STK3: variants seen among roughly 807,000 people sequenced by gnomAD.
STK3 encodes the protein serine/threonine-protein kinase 3.
Under a neutral mutation model 58.0 loss-of-function variants are expected in STK3, and 41 were observed. The ratio of observed to expected loss-of-function variants is 0.71; its 90% CI spans 0.55 to 0.92. STK3 has a LOEUF of 0.92. Ranked by LOEUF, STK3 falls within the 40% of genes least tolerant of loss-of-function variation. The pLI, the probability that STK3 is intolerant of heterozygous loss-of-function variation, is 0.00. For synonymous variants in STK3, 170 were observed against 191.0 expected (o/e 0.89, Z 0.91); for missense variants, 479 against 602.7 (o/e 0.79, Z 2.15).
At chr8:98,473,490 C>A (rs538248389) in intron 10 of STK3, among the ~76,000 whole-genome samples, 25 of 152,268 alleles carry the variant, frequency 1.6e-4, no homozygotes, top group Non-Finnish European at 2.8e-4. Flanking sequence ...AATTCCATCC[C>A]TCTTCTCCTT....
intron 1 of STK3, among the ~76,000 whole-genome samples, chr8:98,885,215 C>T (rs897286551): frequency 6.6e-6 from 1 of 152,078 alleles, no homozygotes; most frequent in Non-Finnish European, 1.5e-5. Flanking sequence ...GAACCAAGAC[C>T]AGGCCTGCCT....
At chr8:98,872,813 G>T (rs1343642108) in intron 3 of STK3, among the ~76,000 whole-genome samples, 1 of 152,038 alleles carries the variant, frequency 6.6e-6, no homozygotes, top group Non-Finnish European at 1.5e-5. Context: ...TTGATTTTTT[G>T]AAGGGATTTT....
chr8:98,737,590 A>G (rs1488313025), intron 4 of STK3, among the ~76,000 whole-genome samples: 1 of 152,272 alleles, frequency 6.6e-6, no homozygotes, highest in Non-Finnish European at 1.5e-5. Context: ...GAGATACAGC[A>G]TTCTTAGATA....
intron 1 of STK3, chr8:98,905,118 C>G: frequency 6.9e-7 from 1 of 1,439,342 alleles, no homozygotes. Context: ...GTCTGCCACA[C>G]GACCCGTACG....
intron 6 of STK3, among the ~76,000 whole-genome samples, chr8:98,631,036 CA>C (rs1391271578): frequency 6.6e-6 from 1 of 152,022 alleles, no homozygotes; most frequent in African/African-American, 2.4e-5. Context: ...ATTTACATTC[CA>C]CATTTAGATA....
intron 3 of STK3, among the ~76,000 whole-genome samples, chr8:98,424,873 G>A (rs542620819): frequency 7.0e-4 from 106 of 152,328 alleles, no homozygotes; most frequent in African/African-American, 2.5e-3. Flanking sequence ...AGCCACAGAA[G>A]GGGGCTGTGA....
intron 10 of STK3, among the ~76,000 whole-genome samples, chr8:98,493,392 T>A (rs929896402): frequency 6.6e-6 from 1 of 152,136 alleles, no homozygotes; most frequent in Non-Finnish European, 1.5e-5. Context: ...TTGATTCACT[T>A]CCCGCTCTGA....
chr8:98,548,049 T>C lies in STK3; in HGVS notation c.1061A>G (p.Asn354Ser). 1 of 1,611,104 alleles carries C rather than the reference T, an allele frequency of 6.2e-7. No homozygotes were observed. The highest frequency in any genetic ancestry group is 1.1e-5 in the South Asian group (1 of 90,558). ...CAAGTCGGATTCCAACATCGTGCTA[T>C]TATGTTCAATCATGGTCTGGGCCCC... is the stretch of plus-strand genomic sequence containing the variant. ...SEGAQTMIEH[N>S]STMLESDLGT... Residue 354 changes from asparagine to serine, a missense_variant, in exon 9 of 11, where the codon AAT (asparagine) becomes AGT (serine). Physicochemically the swap from Asn to Ser is conservative, Grantham distance 46. Around this residue, in one of 3 missense-constraint regions of STK3, gnomAD observed 309 missense variants for 355.7 expected, o/e 0.87. Transcript: ENST00000419617.
intron 6 of STK3, among the ~76,000 whole-genome samples, chr8:98,702,273 A>C (rs1275676744): frequency 6.6e-6 from 1 of 152,224 alleles, no homozygotes; most frequent in East Asian, 1.9e-4. Context: ...AATCTCTGAC[A>C]AACTGATAAA....
intron 9 of STK3, among the ~76,000 whole-genome samples, chr8:98,529,646 A>G (rs1317621763): frequency 1.3e-5 from 2 of 152,230 alleles, no homozygotes; most frequent in Non-Finnish European, 2.9e-5. Flanking sequence ...AGCATTATTC[A>G]TAACAGCTAA....
At chr8:98,467,570 G>GTGTT (rs1821701383) in intron 10 of STK3, among the ~76,000 whole-genome samples, 1 of 151,864 alleles carries the variant, frequency 6.6e-6, no homozygotes, top group African/African-American at 2.4e-5. Flanking sequence ...GTGTGTGTGT[G>GTGTT]TGTGTGGCAT....
intron 10 of STK3, among the ~76,000 whole-genome samples, chr8:98,512,455 C>T (rs1824593104): frequency 6.6e-6 from 1 of 152,060 alleles, no homozygotes; most frequent in African/African-American, 2.4e-5. Context: ...GAAGAAGTCT[C>T]AGTTTAGAAT....
intron 3 of STK3, among the ~76,000 whole-genome samples, chr8:98,867,390 G>C (rs1298906543): frequency 6.6e-6 from 1 of 152,156 alleles, no homozygotes; most frequent in Non-Finnish European, 1.5e-5. Flanking sequence ...TTCCAGCCTG[G>C]GTGATAGGAG....
At chr8:98,782,476 A>T in intron 1 of STK3, 1 of 275,020 alleles carries the variant, frequency 3.6e-6, no homozygotes, top group South Asian at 4.7e-5. Context: ...CACCTGCTGA[A>T]GGCACACAGA....
chr8:98,874,705 C>A (rs1307021691), intron 3 of STK3, among the ~76,000 whole-genome samples: 1 of 151,978 alleles, frequency 6.6e-6, no homozygotes, highest in African/African-American at 2.4e-5. Flanking sequence ...TAGTTCATTG[C>A]AGGCTTGAAC....
intron 3 of STK3, among the ~76,000 whole-genome samples, chr8:98,840,624 T>TACACAC (rs1157196050): frequency 7.6e-6 from 1 of 132,216 alleles, no homozygotes; most frequent in African/African-American, 3.0e-5. Context: ...TATATATATA[T>TACACAC]ATATACACAC....
intron 1 of STK3, among the ~76,000 whole-genome samples, chr8:98,914,897 G>A (rs1429633113): frequency 6.6e-6 from 1 of 152,144 alleles, no homozygotes; most frequent in Non-Finnish European, 1.5e-5. Flanking sequence ...AAGTATCCAG[G>A]ACTACATTTT....
chr8:98,467,973 ATAAAG>A (rs1380504964), intron 10 of STK3, among the ~76,000 whole-genome samples: 1 of 152,226 alleles, frequency 6.6e-6, no homozygotes, highest in Non-Finnish European at 1.5e-5. Flanking sequence ...TTGAAAATCT[ATAAAG>A]TAGTTTTAAA....
chr8:98,406,531 C>T (rs971837464), intron 3 of STK3, among the ~76,000 whole-genome samples: 4 of 152,142 alleles, frequency 2.6e-5, no homozygotes, highest in African/African-American at 9.7e-5. Context: ...CTAGCTAGCA[C>T]AGTACCTGCC....
Sources: allele counts gnomAD v4.1 joint callset (sites outside exome capture counted in the v4.1 genomes callset), GRCh38; gene constraint gnomAD v4.1.1; regional missense constraint gnomAD v4.1.1; transcripts MANE v1.5; gene names NCBI Gene and HGNC (gene_info 2026-07-23, HGNC 2026-07-21).